Variants in EVL observed in about 807,000 individuals in gnomAD.
The protein encoded by EVL is Enah/Vasp-like, also known as ena/VASP-like protein.
EVL carries 21 observed loss-of-function variants against 59.6 expected under a neutral mutation model. That is an observed-to-expected ratio of 0.35 (90% CI 0.25 to 0.51). EVL has a LOEUF of 0.51. Ranked by LOEUF, EVL falls within the 20% of genes least tolerant of loss-of-function variation. EVL has a pLI of 0.97. For synonymous variants in EVL, 198 were observed against 203.5 expected (o/e 0.97, Z 0.23); for missense variants, 462 against 546.6 (o/e 0.85, Z 1.54).
rs370393581 is a variant in EVL, at chr14:100,142,017, C to T, written c.1219+224C>T. The T allele has an allele frequency of 9.1e-4, 396 of 432,888 alleles. 2 individuals are homozygous for T. The South Asian group carries it at 0.013, about 15-fold the overall frequency. 26.8% of individuals were successfully genotyped at this position (432,888 alleles called of 1,614,324 possible). On this transcript the variant is annotated intron_variant, in intron 13 of 13. Transcript: ENST00000392920. ...TGTAGCTCCCTGGTAGCATGACACC[C>T]GAATCTGACCTTCCACATCCCCGGC... is the stretch of plus-strand genomic sequence containing the variant.
intron 1 of EVL, among the ~76,000 whole-genome samples, chr14:99,989,919 G>A (rs1341510754): frequency 1.3e-5 from 2 of 152,160 alleles, no homozygotes; most frequent in Non-Finnish European, 2.9e-5. Flanking sequence ...TACTAAACTA[G>A]CCCTAGTTAT....
intron 1 of EVL, among the ~76,000 whole-genome samples, chr14:99,993,688 T>TTC (rs1555411119): frequency 7.5e-6 from 1 of 132,594 alleles, no homozygotes; most frequent in African/African-American, 2.9e-5. Flanking sequence ...TTTCTTTCTT[T>TTC]TTTTTTTTTT....
intron 4 of EVL, among the ~76,000 whole-genome samples, chr14:100,124,956 G>A (rs1887935671): frequency 6.6e-6 from 1 of 151,490 alleles, no homozygotes; most frequent in Admixed American, 6.6e-5. Flanking sequence ...ACGAGACCAC[G>A]TACGGACGGA....
At chr14:99,974,019 T>C (rs1324924141) in intron 1 of EVL, among the ~76,000 whole-genome samples, 4 of 152,218 alleles carry the variant, frequency 2.6e-5, no homozygotes, top group South Asian at 2.1e-4. Context: ...CAGTATTCTT[T>C]AGTGCAGGTC....
At chr14:100,137,379 G>A in intron 9 of EVL, 199 bp from the exon 10 acceptor site, 1 of 605,724 alleles carries the variant, frequency 1.7e-6, no homozygotes, top group South Asian at 1.9e-5. Flanking sequence ...CAGATCACAG[G>A]TCAGGGTCAA....
At chr14:100,075,151 A>G (rs974095413) in intron 1 of EVL, among the ~76,000 whole-genome samples, 5 of 152,238 alleles carry the variant, frequency 3.3e-5, no homozygotes, top group Non-Finnish European at 7.3e-5. Flanking sequence ...TACCAGAGCC[A>G]AGCTGCATGG....
rs2061479339 is a variant in EVL, at chr14:100,042,294, A to AGC, written c.6-42392_6-42391dup. Among the ~76,000 whole-genome samples the AGC allele has an allele frequency of 3.3e-5, 5 of 152,326 alleles. No individual in the cohort carries two copies. The South Asian group carries it at 1.0e-3, about 32-fold the overall frequency. The stretch of plus-strand genomic sequence containing the variant: ...AAAGGCTACCAAATTGGATGTCTAG[A>AGC]GCCCTGATGAACTGAGACAGAAAGT... On this transcript the variant is annotated intron_variant, in intron 1 of 13. Coordinates refer to the EVL transcript ENST00000402714.
chr14:100,100,716 T>C (rs1393468148), intron 3 of EVL, among the ~76,000 whole-genome samples: 1 of 148,160 alleles, frequency 6.7e-6, no homozygotes, highest in Non-Finnish European at 1.5e-5. Context: ...GAGGCAGAGA[T>C]TGCAGTTGCA....
chr14:100,100,855 C>T (rs1297827306), intron 3 of EVL, among the ~76,000 whole-genome samples: 1 of 151,728 alleles, frequency 6.6e-6, no homozygotes, highest in Non-Finnish European at 1.5e-5. Flanking sequence ...GGTACTCTGC[C>T]GAGGACCATG....
At chr14:100,028,781 A>T (rs2061263699) in intron 1 of EVL, among the ~76,000 whole-genome samples, 1 of 152,242 alleles carries the variant, frequency 6.6e-6, no homozygotes. Flanking sequence ...ACTGCACTCC[A>T]GCCTGGCAAC....
Position 100,046,753 on chromosome 14 carries a change from C to CTT in EVL, c.6-37918_6-37917dup, listed in dbSNP as rs759300292. Among the ~76,000 whole-genome samples the CTT allele has an allele frequency of 2.7e-4, 36 of 132,522 alleles. 1 individual carries two copies. The highest frequency in any genetic ancestry group is 6.7e-4 in the East Asian group (3 of 4,504). The allele number at this position is 132,522 out of a possible 152,430, so 86.9% of individuals were successfully genotyped here. The stretch of plus-strand genomic sequence containing the variant: ...AGGAGGGTTGATTTTCTTTTTCTTT[C>CTT]TTTTTTTTTTTTTTTTTGAGGAAGA... On this transcript the variant is annotated intron_variant, in intron 1 of 13. Coordinates refer to the EVL transcript ENST00000402714.
rs1440790955 is a variant in EVL at position 100,127,808 on chromosome 14, C to T, written c.488-711C>T. Among the ~76,000 whole-genome samples, 1 of 152,258 alleles carries T rather than the reference C, an allele frequency of 6.6e-6. No homozygotes were observed. The highest frequency in any genetic ancestry group is 2.4e-5 in the African/African-American group (1 of 41,472). On this transcript the variant is annotated intron_variant, in intron 5 of 13. Transcript: ENST00000392920. The surrounding 1 kb of genome is among the most constrained non-coding windows in gnomAD (Gnocchi z 4.2). ...TGTATGCCAACATGGCGCCGTGTGC[C>T]TGCCCTTGGTAACACTTGTCAGCTT...
Position 100,127,534 on chromosome 14 carries a change from G to T in EVL, c.487+763G>T, listed in dbSNP as rs1262022140. ...TCCCCGGCCAGTCTGCATTTCTGAT[G>T]CAGGTCTGACACTGTCATCATGTCG... is the stretch of plus-strand genomic sequence containing the variant. On this transcript the variant is annotated intron_variant, in intron 5 of 13. Coordinates refer to ENST00000392920, the MANE Select transcript of EVL (RefSeq NM_016337.3). The surrounding 1 kb of genome is among the most constrained non-coding windows in gnomAD (Gnocchi z 4.2). Among the ~76,000 whole-genome samples, 1 of 152,098 alleles carries T rather than the reference G, an allele frequency of 6.6e-6. No homozygotes were observed.
intron 3 of EVL, among the ~76,000 whole-genome samples, chr14:100,103,506 C>G (rs1050831621): frequency 6.6e-5 from 10 of 152,172 alleles, no homozygotes; most frequent in Non-Finnish European, 1.2e-4. Context: ...TCCTGGGACA[C>G]TTGGTTTCTG....
Position 100,142,495 on chromosome 14 carries a change from C to T in EVL, c.1219+702C>T, listed in dbSNP as rs374511198. Among the ~76,000 whole-genome samples the T allele has an allele frequency of 1.5e-4, 23 of 152,374 alleles. No homozygotes were observed. The East Asian group carries it at 3.7e-3, about 24-fold the overall frequency. ...CAGCACAGCCAGTGCCAGCTCCCCA[C>T]GTGCCTCCCCAACCAGGGTGATAAA... On this transcript the variant is annotated intron_variant, in intron 13 of 13. Coordinates refer to ENST00000392920, the MANE Select transcript of EVL (RefSeq NM_016337.3).
chr14:100,117,884 G>A (rs1887450331), intron 3 of EVL, among the ~76,000 whole-genome samples: 1 of 152,196 alleles, frequency 6.6e-6, no homozygotes, highest in African/African-American at 2.4e-5. Context: ...TTTTCTCTAA[G>A]ACTGTGTCAC....
At chr14:99,973,551 C>T (rs1054388908) in intron 1 of EVL, among the ~76,000 whole-genome samples, 2 of 152,172 alleles carry the variant, frequency 1.3e-5, no homozygotes, top group African/African-American at 4.8e-5. Flanking sequence ...CAACCTCTGC[C>T]TCCTGGGTTC....
intron 3 of EVL, among the ~76,000 whole-genome samples, chr14:100,099,083 C>G (rs192848910): frequency 9.7e-4 from 144 of 148,728 alleles, no homozygotes; most frequent in Non-Finnish European, 1.7e-3. Context: ...TGGCTCAGGC[C>G]TATAATCCTA....
chr14:99,984,700 A>G (rs565861429), intron 1 of EVL, among the ~76,000 whole-genome samples: 32 of 151,634 alleles, frequency 2.1e-4, no homozygotes, highest in Admixed American at 3.3e-4. Context: ...TGCAACCTCC[A>G]CCTCCCAGTT....
Sources: allele counts gnomAD v4.1 joint callset (sites outside exome capture counted in the v4.1 genomes callset), GRCh38; gene constraint gnomAD v4.1.1; non-coding constraint Gnocchi (gnomAD v3.1); transcripts MANE v1.5; gene names NCBI Gene and HGNC (gene_info 2026-07-23, HGNC 2026-07-21).